The following IL23R variants were observed in gnomAD, a reference collection of about 807,000 sequenced individuals.
IL23R encodes the protein interleukin-23 receptor.
IL23R carries 34 observed loss-of-function variants against 56.9 expected under a neutral mutation model. The observed-to-expected ratio is 0.60, with a 90% CI of 0.45 to 0.80. IL23R has a LOEUF of 0.80. Among genes scored for constraint, IL23R ranks in the 30% least tolerant of loss-of-function variants. IL23R has a pLI of 0.00. For missense variants in IL23R, 635 were observed against 730.0 expected, an observed-to-expected ratio of 0.87 and a Z score of 1.50; for synonymous variants, 230 against 249.2, an observed-to-expected ratio of 0.92 and a Z score of 0.73.
At chr1:67,172,681 G>A (rs1272537300) in intron 3 of IL23R, among the ~76,000 whole-genome samples, 1 of 151,936 alleles carries the variant, frequency 6.6e-6, no homozygotes, top group Non-Finnish European at 1.5e-5. Flanking sequence ...TTTAACTTTT[G>A]GACTTTATTT....
At chr1:67,163,186 T>TG (rs1235678144), upstream of IL23R, among the ~76,000 whole-genome samples, 11 of 152,044 alleles carry the variant, frequency 7.2e-5, no homozygotes, top group South Asian at 2.1e-3. Context: ...AAGATGTATG[T>TG]GGCCAGGTGT....
rs1348768484 is a variant in IL23R at position 67,258,490 on chromosome 1, C to T, written c.1252C>T (p.Leu418Phe). Reference protein sequence around the residue: ...VVKMLQENSELMNNNSSEQVL... With the variant: ...VVKMLQENSEFMNNNSSEQVL... ...CTTTTTTTCCTAGGAAAATAGTGAA[C>T]TTATGAATAATAATTCCAGTGAGCA... The change falls in exon 11 of 11, where the codon CTT (leucine) becomes TTT (phenylalanine). Residue 418 changes from leucine to phenylalanine, a missense_variant. By Grantham distance (22) the Leu-to-Phe change is conservative. Transcript: ENST00000347310. 1 of 1,595,304 alleles carries T rather than the reference C, an allele frequency of 6.3e-7. No individual in the cohort carries two copies. The highest frequency in any genetic ancestry group is 8.5e-7 in the Non-Finnish European group (1 of 1,171,566).
intron 6 of IL23R, among the ~76,000 whole-genome samples, chr1:67,218,777 A>G (rs569037778): frequency 6.6e-6 from 1 of 151,408 alleles, no homozygotes; most frequent in Non-Finnish European, 1.5e-5. Context: ...AAATTATCCA[A>G]TCATGGTAGT....
chr1:67,236,538 AAAG>A (rs141283048), intron 7 of IL23R, among the ~76,000 whole-genome samples, 172 bp from the exon 8 acceptor site: 4,731 of 152,290 alleles, frequency 0.031, 140 homozygotes, highest in Admixed American at 0.057. Flanking sequence ...AATTAAATAA[AAAG>A]AAGAAGAAAA....
chr1:67,211,283 G>C (rs1433812576), intron 6 of IL23R, among the ~76,000 whole-genome samples: 1 of 152,122 alleles, frequency 6.6e-6, no homozygotes, highest in Non-Finnish European at 1.5e-5. Flanking sequence ...AGACACCTGG[G>C]GTCCTTGTAT....
chr1:67,250,033 C>T (rs1179082474), intron 9 of IL23R, among the ~76,000 whole-genome samples: 3 of 152,176 alleles, frequency 2.0e-5, no homozygotes, highest in Non-Finnish European at 4.4e-5. Context: ...ACAATGTATT[C>T]AAGCCTTTAG....
At chr1:67,205,798 T>C (rs907607725) in intron 5 of IL23R, among the ~76,000 whole-genome samples, 6 of 152,204 alleles carry the variant, frequency 3.9e-5, no homozygotes, top group Admixed American at 3.3e-4. Flanking sequence ...GCAATAGATA[T>C]AAATATTCAT....
At chr1:67,240,400 A>G (rs1469761511) in intron 9 of IL23R, 119 bp downstream of exon 9, 1 of 709,016 alleles carries the variant, frequency 1.4e-6, no homozygotes, top group East Asian at 2.7e-5. Flanking sequence ...CAGATAAAGG[A>G]AAATAAAAAG....
chr1:67,185,882 G>A (rs1287005119), intron 4 of IL23R, among the ~76,000 whole-genome samples: 1 of 152,176 alleles, frequency 6.6e-6, no homozygotes. Flanking sequence ...TAAGTACTGT[G>A]CTCTGTACTT....
At chr1:67,262,346 G>GA (rs554272163), downstream of IL23R, among the ~76,000 whole-genome samples, 18 of 152,078 alleles carry the variant, frequency 1.2e-4, no homozygotes, top group South Asian at 1.5e-3. Context: ...GAGAGAGGCA[G>GA]AAAAAAATAA....
chr1:67,248,224 A>T (rs1652370782), intron 9 of IL23R, among the ~76,000 whole-genome samples: 1 of 152,164 alleles, frequency 6.6e-6, no homozygotes, highest in South Asian at 2.1e-4. Flanking sequence ...ACTTGGTTCC[A>T]TTCTTCTTGT....
At chr1:67,218,984 A>T (rs1650059128) in intron 6 of IL23R, among the ~76,000 whole-genome samples, 1 of 151,248 alleles carries the variant, frequency 6.6e-6, no homozygotes, top group Non-Finnish European at 1.5e-5. Flanking sequence ...TAAATAAATA[A>T]ATATATATAC....
At chr1:67,261,373 A>G (rs1270188809), downstream of IL23R, among the ~76,000 whole-genome samples, 1 of 142,772 alleles carries the variant, frequency 7.0e-6, no homozygotes. Context: ...ATCATTTACT[A>G]AGGCCATTTT....
At chr1:67,187,674 A>C (rs72927047) in intron 4 of IL23R, among the ~76,000 whole-genome samples, 3,520 of 152,342 alleles carry the variant, frequency 0.023, 128 homozygotes, top group African/African-American at 0.081. Context: ...TGCTTTCAGA[A>C]ATATTCATTG....
At chr1:67,229,972 A>G (rs994629457) in intron 7 of IL23R, among the ~76,000 whole-genome samples, 2 of 152,242 alleles carry the variant, frequency 1.3e-5, no homozygotes, top group East Asian at 1.9e-4. Flanking sequence ...GCTGAAAATC[A>G]GTAGAAAGCC....
chr1:67,178,658 G>A (rs1570787967), intron 3 of IL23R, among the ~76,000 whole-genome samples: 1 of 152,178 alleles, frequency 6.6e-6, no homozygotes, highest in East Asian at 1.9e-4. Flanking sequence ...ACACTATGTT[G>A]AATAGGAGTG....
intron 7 of IL23R, among the ~76,000 whole-genome samples, chr1:67,236,406 A>T (rs1351436665): frequency 6.6e-6 from 1 of 152,206 alleles, no homozygotes; most frequent in Non-Finnish European, 1.5e-5. Context: ...GGCTCAGTAA[A>T]ATAAAGCTCT....
At chr1:67,157,348 A>G (rs1646778337) in intron 1 of IL23R, among the ~76,000 whole-genome samples, 1 of 152,124 alleles carries the variant, frequency 6.6e-6, no homozygotes, top group African/African-American at 2.4e-5. Flanking sequence ...AGTTTTACCC[A>G]TCTCAGTTAA....
chr1:67,148,398 T>G (rs1646701007), intron 1 of IL23R, among the ~76,000 whole-genome samples: 1 of 152,266 alleles, frequency 6.6e-6, no homozygotes. Context: ...TGGGTTTATA[T>G]CCCAATCATT....
Sources: gnomAD v4.1 joint callset for allele counts (sites outside exome capture counted in the v4.1 genomes callset) on GRCh38, gnomAD v4.1.1 for gene constraint, MANE v1.5 for transcripts, NCBI Gene and HGNC (gene_info 2026-07-23, HGNC 2026-07-21) for gene names.